SGF29: variants seen among roughly 807,000 people sequenced by gnomAD.
SGF29 encodes SAGA-associated factor 29.
SGF29 carries 15 observed loss-of-function variants against 38.1 expected under a neutral mutation model. That is an observed-to-expected ratio of 0.39 (90% CI 0.26 to 0.61). The LOEUF (loss-of-function observed/expected upper bound fraction) is 0.61. SGF29 is among the 20% of genes least tolerant of loss of function. The pLI is 0.49. For missense variants in SGF29, 184 were observed against 394.6 expected (o/e 0.47, Z 4.52); for synonymous variants, 151 against 160.8 (o/e 0.94, Z 0.46).
In SGF29 at chr16:28,591,786, C is replaced by G. The variant is rs1356862520; in HGVS notation, c.*80C>G. 10 of 1,299,536 alleles carry G rather than the reference C, an allele frequency of 7.7e-6. No individual in the cohort carries two copies. The highest frequency in any genetic ancestry group is 1.1e-5 in the Non-Finnish European group (10 of 909,982). The allele number at this position is 1,299,536 out of a possible 1,614,324, so 80.5% of individuals were successfully genotyped here. On this transcript the variant is annotated 3_prime_UTR_variant, in exon 10 of 10. Transcript: ENST00000317058. ...CGTGCTGGGATTAAACACATTCCCC[C>G]TCTACTCGTCTCCTGGGTTTTACTT...
chr16:28,559,420 G>A (rs2046772631), intron 1 of SGF29, among the ~76,000 whole-genome samples: 1 of 152,130 alleles, frequency 6.6e-6, no homozygotes, highest in Admixed American at 6.6e-5. Context: ...ATCTCACTCT[G>A]TCACCCAGAC....
rs1191200895 is a variant in SGF29, at chr16:28,590,427, G to A, written c.551G>A (p.Ser184Asn). The A allele has an allele frequency of 2.5e-6, 4 of 1,613,910 alleles. No individual in the cohort carries two copies. Among genetic ancestry groups the A allele is most frequent in the Admixed American group, 1.7e-5 (1 of 60,016 alleles). ...ATCCTGGCCGAGGTGGTCAGTTACA[G>A]CCATGCCACCAACAAGTGAGTGACA... ...QWILAEVVSY[S>N]HATNKYEVDD... Residue 184 changes from serine to asparagine, a missense_variant, in exon 7 of 10, where the codon AGC becomes AAC. Transcript: ENST00000317058. The surrounding 1 kb of genome is among the most constrained non-coding windows in gnomAD (Gnocchi z 8.2).
chr16:28,590,800 C>G lies in SGF29; in HGVS notation c.630C>G (p.Val210=). The part of the protein sequence containing the change: ...KERHTLSRRR[V]IPLPQWKANP... ...GACACACCCTGAGCCGGCGCCGTGT[C>G]ATCCCGCTGCCCCAGTGGAAGGCCA... The change falls in exon 9 of 10, where the codon GTC becomes GTG. Residue 210 remains valine, a synonymous_variant. Coordinates refer to ENST00000317058, the MANE Select transcript of SGF29 (RefSeq NM_138414.3). This position sits in a 1 kb window ranked among gnomAD's most constrained non-coding sequence, Gnocchi z 8.2. The G allele has an allele frequency of 6.2e-7, 1 of 1,614,080 alleles. No homozygotes were observed. Among genetic ancestry groups the G allele is most frequent in the Non-Finnish European group, 8.5e-7 (1 of 1,179,986 alleles).
chr16:28,591,465 G>A, intron 9 of SGF29, 125 bp from the exon 10 acceptor site: 1 of 722,180 alleles, frequency 1.4e-6, no homozygotes, highest in Non-Finnish European at 2.5e-6. Flanking sequence ...ACCCCAGAGT[G>A]AAGGATGTTA....
rs751226505 is a variant in SGF29, at chr16:28,589,081, C to T, written c.225-19C>T. 1 of 1,613,910 alleles carries T rather than the reference C, an allele frequency of 6.2e-7. No individual in the cohort carries two copies. The highest frequency in any genetic ancestry group is 8.5e-7 in the Non-Finnish European group (1 of 1,179,900). The stretch of plus-strand genomic sequence containing the variant: ...TGTACGTTAACCAAACCCTCTTTCT[C>T]CCTTCTCCCCGCCCTCAGCATCCTT... On this transcript the variant is annotated intron_variant, in intron 4 of 9. Transcript: ENST00000317058.
chr16:28,566,129 C>G (rs2046834904), intron 1 of SGF29, among the ~76,000 whole-genome samples: 1 of 151,782 alleles, frequency 6.6e-6, no homozygotes, highest in African/African-American at 2.4e-5. Context: ...AAAAAATTAG[C>G]CAGGCGTGGT....
intron 1 of SGF29, among the ~76,000 whole-genome samples, chr16:28,564,708 C>CATAT (rs369741491): frequency 2.0e-5 from 1 of 50,238 alleles, no homozygotes; most frequent in African/African-American, 5.5e-5. Context: ...TATATATATA[C>CATAT]ATATATATGT....
intron 1 of SGF29, 107 bp downstream of exon 1, chr16:28,554,204 A>G (rs536188087): frequency 1.7e-5 from 2 of 120,470 alleles, no homozygotes; most frequent in South Asian, 3.1e-4. Context: ...GCGGCGCTCT[A>G]GGGGCGGTGC....
intron 1 of SGF29, among the ~76,000 whole-genome samples, chr16:28,571,549 C>T (rs2046864621): frequency 2.0e-5 from 3 of 149,774 alleles, no homozygotes; most frequent in Non-Finnish European, 4.4e-5. Context: ...GCCAAGATCA[C>T]GCCACTGCAC....
At chr16:28,559,354 G>A (rs1203237050) in intron 1 of SGF29, among the ~76,000 whole-genome samples, 1 of 150,914 alleles carries the variant, frequency 6.6e-6, no homozygotes. Context: ...GAATTGTATG[G>A]CATGCGAATT....
chr16:28,555,439 G>T (rs2046744144), intron 1 of SGF29, among the ~76,000 whole-genome samples: 1 of 152,232 alleles, frequency 6.6e-6, no homozygotes, highest in Non-Finnish European at 1.5e-5. Flanking sequence ...TCGTGCCACT[G>T]CACTCTAGCC....
At chr16:28,559,047 G>A (rs2046769777) in intron 1 of SGF29, among the ~76,000 whole-genome samples, 1 of 152,314 alleles carries the variant, frequency 6.6e-6, no homozygotes, top group Non-Finnish European at 1.5e-5. Context: ...GGTGGGTGCG[G>A]TGGCTCACAT....
intron 1 of SGF29, among the ~76,000 whole-genome samples, chr16:28,576,970 T>G (rs1447345401): frequency 6.6e-6 from 1 of 152,022 alleles, no homozygotes; most frequent in Non-Finnish European, 1.5e-5. Flanking sequence ...GGTCAGACAT[T>G]CGAGACCGGC....
chr16:28,569,837 G>A (rs2046854506), intron 1 of SGF29, among the ~76,000 whole-genome samples: 1 of 152,142 alleles, frequency 6.6e-6, no homozygotes, highest in South Asian at 2.1e-4. Flanking sequence ...GGGTGTTGGG[G>A]GCAGAACCAT....
At chr16:28,559,141 G>A (rs2046770384) in intron 1 of SGF29, among the ~76,000 whole-genome samples, 1 of 152,058 alleles carries the variant, frequency 6.6e-6, no homozygotes. Context: ...GCAATATGAT[G>A]AGACCTCATC....
At chr16:28,563,614 G>C (rs1347780031) in intron 1 of SGF29, among the ~76,000 whole-genome samples, 2 of 151,962 alleles carry the variant, frequency 1.3e-5, no homozygotes, top group African/African-American at 4.8e-5. Context: ...TGTAGCGATA[G>C]GAGATTTCGT....
At chr16:28,579,104 A>G (rs544561606) in intron 1 of SGF29, among the ~76,000 whole-genome samples, 3 of 151,752 alleles carry the variant, frequency 2.0e-5, no homozygotes, top group African/African-American at 7.2e-5. Flanking sequence ...ACTTTGTAAG[A>G]TGCAGGCTAT....
intron 2 of SGF29, 63 bp downstream of exon 2, chr16:28,581,207 TG>T (rs2046923830): frequency 1.4e-6 from 2 of 1,473,024 alleles, no homozygotes; most frequent in Non-Finnish European, 1.9e-6. Context: ...AGCCGTGAAG[TG>T]GGGGTGGCAT....
At chr16:28,578,964 A>G (rs1045807688) in intron 1 of SGF29, among the ~76,000 whole-genome samples, 2 of 151,940 alleles carry the variant, frequency 1.3e-5, no homozygotes, top group Non-Finnish European at 2.9e-5. Flanking sequence ...AATAAAAAAT[A>G]AAAATAGAGA....
Sources: allele counts gnomAD v4.1 joint callset (sites outside exome capture counted in the v4.1 genomes callset), GRCh38; gene constraint gnomAD v4.1.1; non-coding constraint Gnocchi (gnomAD v3.1); transcripts MANE v1.5; gene names NCBI Gene and HGNC (gene_info 2026-07-23, HGNC 2026-07-21).